ASRGL1: variants seen among roughly 807,000 people sequenced by gnomAD.
The protein encoded by ASRGL1 is asparaginase and isoaspartyl peptidase 1.
In ASRGL1, 16 loss-of-function variants were observed where a neutral mutation model predicts 22.4. The ratio of observed to expected loss-of-function variants is 0.71; its 90% CI spans 0.48 to 1.08. ASRGL1 has a LOEUF of 1.08. ASRGL1 is among the 50% of genes least tolerant of loss of function. ASRGL1 has a pLI of 0.00. For synonymous variants in ASRGL1, 165 were observed against 159.3 expected, an observed-to-expected ratio of 1.04 and a Z score of -0.27; for missense variants, 412 against 410.1, an observed-to-expected ratio of 1.00 and a Z score of -0.04.
chr11:62,371,399 C>CCGAGCACACCAAGAAGCA, intron 4 of ASRGL1: 1 of 591,010 alleles, frequency 1.7e-6, no homozygotes, highest in East Asian at 3.2e-5. Context: ...GTCGCCGAAC[C>CCGAGCACACCAAGAAGCA]CGAGCACACC....
chr11:62,366,660 G>GT (rs945504440), intron 4 of ASRGL1, among the ~76,000 whole-genome samples: 3 of 151,736 alleles, frequency 2.0e-5, no homozygotes, highest in Non-Finnish European at 4.4e-5. Flanking sequence ...CAGTCTCATT[G>GT]TTTTTTCTTT....
chr11:62,354,673 A>C (rs890031218), intron 2 of ASRGL1, among the ~76,000 whole-genome samples: 5 of 152,168 alleles, frequency 3.3e-5, no homozygotes, highest in Non-Finnish European at 5.9e-5. Flanking sequence ...GGGAGGAATC[A>C]CGTCCCTCTG....
chr11:62,373,347 T>C lies in ASRGL1; in HGVS notation c.492-15786T>C, dbSNP rs200214558. Among the ~76,000 whole-genome samples, 20 of 152,268 alleles carry C rather than the reference T, an allele frequency of 1.3e-4. No homozygotes were observed. The East Asian group carries it at 3.7e-3, about 28-fold the overall frequency. On this transcript the variant is annotated intron_variant, in intron 4 of 6. Coordinates refer to ENST00000415229, the MANE Select transcript of ASRGL1 (RefSeq NM_001083926.2). ...ACAAGTGATCCAACGTTAACTACCTTTTTTTCTGTTTGCTTTCCAAAGACC... is the reference window on the plus strand; with the variant it reads ...ACAAGTGATCCAACGTTAACTACCTCTTTTTCTGTTTGCTTTCCAAAGACC...
At chr11:62,340,386 C>T (rs980975300) in intron 2 of ASRGL1, among the ~76,000 whole-genome samples, 1 of 152,236 alleles carries the variant, frequency 6.6e-6, no homozygotes, top group African/African-American at 2.4e-5. Flanking sequence ...GCAGAGGGAG[C>T]AGCCAGCTCT....
chr11:62,386,229 A>T (rs1339676873), intron 4 of ASRGL1, among the ~76,000 whole-genome samples: 3 of 152,176 alleles, frequency 2.0e-5, no homozygotes, highest in African/African-American at 7.2e-5. Context: ...ACTTGAGGTC[A>T]GGAGTTTGAG....
chr11:62,400,828 G>A, the ASRGL1 span, among the ~76,000 whole-genome samples: 5 of 152,174 alleles, frequency 3.3e-5, no homozygotes, highest in African/African-American at 1.2e-4. Context: ...AACCAGTTAA[G>A]TGCATCTCCC....
At chr11:62,362,692 A>G (rs1196435515) in intron 4 of ASRGL1, among the ~76,000 whole-genome samples, 17 of 85,860 alleles carry the variant, frequency 2.0e-4, no homozygotes, top group Non-Finnish European at 3.3e-4. Context: ...TAAAATATAT[A>G]TTATATATTA....
chr11:62,396,411 T>G (rs1947433673), downstream of ASRGL1, among the ~76,000 whole-genome samples: 3 of 152,160 alleles, frequency 2.0e-5, no homozygotes, highest in Admixed American at 2.0e-4. Context: ...TTCTGAGAAG[T>G]TAAAAATATG....
chr11:62,353,362 A>G (rs11600424), intron 2 of ASRGL1, among the ~76,000 whole-genome samples: 1 of 148,180 alleles, frequency 6.7e-6, no homozygotes, highest in African/African-American at 2.5e-5. Context: ...TTTTTTTTAA[A>G]GGGACAGGGT....
Position 62,389,183 on chromosome 11 carries a change from C to G in ASRGL1, c.542C>G (p.Ala181Gly). 4 of 1,614,138 alleles carry G rather than the reference C, an allele frequency of 2.5e-6. No individual in the cohort carries two copies. The highest frequency in any genetic ancestry group is 3.4e-6 in the Non-Finnish European group (4 of 1,180,032). The change falls in exon 5 of 7, where the codon GCC becomes GGC. Residue 181 changes from alanine to glycine, a missense_variant. By Grantham distance (60) the Ala-to-Gly change is moderately conservative. Transcript: ENST00000415229. ...AVALDCKGNV[A>G]YATSTGGIVN... ...GCCTTGGACTGCAAAGGGAATGTAGCCTACGCAACCTCCACAGGCGGTATC... is the reference window on the plus strand; with the variant it reads ...GCCTTGGACTGCAAAGGGAATGTAGGCTACGCAACCTCCACAGGCGGTATC...
intron 4 of ASRGL1, among the ~76,000 whole-genome samples, chr11:62,375,798 C>T (rs1590746934): frequency 6.6e-6 from 1 of 151,874 alleles, no homozygotes; most frequent in Non-Finnish European, 1.5e-5. Flanking sequence ...GGGAGACTTA[C>T]CACCATTGAT....
Position 62,354,232 on chromosome 11 carries a change from T to C in ASRGL1, c.191-2093T>C, listed in dbSNP as rs188435211. Among the ~76,000 whole-genome samples the C allele has an allele frequency of 1.4e-4, 22 of 152,252 alleles. No homozygotes were observed. The East Asian group carries it at 4.2e-3, about 29-fold the overall frequency. On this transcript the variant is annotated intron_variant, in intron 2 of 6. Coordinates refer to ENST00000415229, the MANE Select transcript of ASRGL1 (RefSeq NM_001083926.2). ...TAGGCATTATCTGGGCAGAGAAATATAGAGAAAGGGTGCTAGTGGTAAAAA... is the reference window on the plus strand; with the variant it reads ...TAGGCATTATCTGGGCAGAGAAATACAGAGAAAGGGTGCTAGTGGTAAAAA...
chr11:62,358,306 GT>G (rs1379410508), intron 4 of ASRGL1, among the ~76,000 whole-genome samples: 1 of 149,082 alleles, frequency 6.7e-6, no homozygotes, highest in African/African-American at 2.5e-5. Context: ...GGAGGCAGAG[GT>G]TGCGGTGAGC....
At position 62,392,663 on chromosome 11, in the gene ASRGL1, G is replaced by T; in HGVS notation, c.*379G>T. 4.0e-6 allele frequency: 1 copy of T among 252,872 alleles called. No individual in the cohort carries two copies. The highest frequency in any genetic ancestry group is 7.7e-6 in the Non-Finnish European group (1 of 129,344). 15.7% of individuals were successfully genotyped at this position (252,872 alleles called of 1,614,324 possible). On this transcript the variant is annotated 3_prime_UTR_variant, in exon 7 of 7. Coordinates refer to ENST00000415229, the MANE Select transcript of ASRGL1 (RefSeq NM_001083926.2). ...GGGAGACCCACAGCCTGCAGACACT[G>T]TGGGCTGGAAGGTGGGAAGGGAGGG...
At chr11:62,341,389 G>A (rs906324382) in intron 2 of ASRGL1, among the ~76,000 whole-genome samples, 3 of 151,802 alleles carry the variant, frequency 2.0e-5, no homozygotes, top group Non-Finnish European at 2.9e-5. Context: ...TAGTAGAGAC[G>A]GGGTTTCACT....
At chr11:62,381,168 C>T (rs1947057690) in intron 4 of ASRGL1, among the ~76,000 whole-genome samples, 1 of 152,104 alleles carries the variant, frequency 6.6e-6, no homozygotes. Context: ...ATTTGATATT[C>T]TCTTGGGGTT....
chr11:62,364,852 T>A (rs944892060), intron 4 of ASRGL1, among the ~76,000 whole-genome samples: 8 of 152,054 alleles, frequency 5.3e-5, no homozygotes, highest in African/African-American at 1.9e-4. Flanking sequence ...GCAGATCACC[T>A]GAGGTCAGGA....
intron 2 of ASRGL1, among the ~76,000 whole-genome samples, chr11:62,346,930 A>G (rs1285313688): frequency 2.0e-5 from 3 of 151,128 alleles, no homozygotes; most frequent in African/African-American, 4.9e-5. Context: ...AGATGGCACC[A>G]CTGCACTCCA....
rs112700151 is a variant in ASRGL1 at position 62,378,270 on chromosome 11, A to T, written c.492-10863A>T. ...TCTTATCAGATGCTATTGCCAGTCC[A>T]GCATTGGCAACCTCTGCTTGCAGAA... On this transcript the variant is annotated intron_variant, in intron 4 of 6. Coordinates refer to ENST00000415229, the MANE Select transcript of ASRGL1 (RefSeq NM_001083926.2). Among the ~76,000 whole-genome samples, 1,486 of 152,322 alleles carry T rather than the reference A, an allele frequency of 9.8e-3. 33 individuals are homozygous for T. Among genetic ancestry groups the T allele is most frequent in the African/African-American group, 0.031 (1,295 of 41,552 alleles).
Sources: allele counts gnomAD v4.1 joint callset (sites outside exome capture counted in the v4.1 genomes callset), GRCh38; gene constraint gnomAD v4.1.1; transcripts MANE v1.5; gene names NCBI Gene and HGNC (gene_info 2026-07-23, HGNC 2026-07-21).